Variants in MTCL2 observed in about 807,000 individuals in gnomAD.
MTCL2 encodes microtubule crosslinking factor 2.
chr20:36,838,925 C>T, the MTCL2 span, among the ~76,000 whole-genome samples: 7 of 151,514 alleles, frequency 4.6e-5, no homozygotes, highest in Admixed American at 2.0e-4. Flanking sequence ...GCTGAGATCG[C>T]GCCATTGCAT....
At chr20:36,862,310 G>A in the MTCL2 span, among the ~76,000 whole-genome samples, 16 of 152,200 alleles carry the variant, frequency 1.1e-4, 1 homozygote, top group Non-Finnish European at 1.5e-5. Flanking sequence ...GCCTGGGCGT[G>A]GAGGTTCTGG....
the MTCL2 span, among the ~76,000 whole-genome samples, chr20:36,836,590 C>G: frequency 9.2e-5 from 14 of 152,016 alleles, no homozygotes; most frequent in South Asian, 2.7e-3. Flanking sequence ...GTGATCCATC[C>G]GCCTCGGCCT....
At chr20:36,827,022 C>CTTTA in the MTCL2 span, among the ~76,000 whole-genome samples, 98,749 of 144,136 alleles carry the variant, frequency 0.69, 34,327 homozygotes, top group East Asian at 0.87. Flanking sequence ...TATCATCCTG[C>CTTTA]TTTATTTATT....
At chr20:36,819,310 T>C in the MTCL2 span, among the ~76,000 whole-genome samples, 1 of 152,226 alleles carries the variant, frequency 6.6e-6, no homozygotes, top group South Asian at 2.1e-4. Context: ...GGCTGGTATA[T>C]TTTTGAAAAT....
At chr20:36,859,060 G>C in the MTCL2 span, among the ~76,000 whole-genome samples, 4 of 152,168 alleles carry the variant, frequency 2.6e-5, no homozygotes, top group Non-Finnish European at 5.9e-5. Flanking sequence ...CAAAGTGCTG[G>C]GATTACAGGC....
At chr20:36,810,823 G>A in the MTCL2 span, among the ~76,000 whole-genome samples, 4 of 150,294 alleles carry the variant, frequency 2.7e-5, no homozygotes, top group South Asian at 4.2e-4. Context: ...AGGTTCAAGC[G>A]ATTATCCTGC....
At chr20:36,841,550 C>T in the MTCL2 span, among the ~76,000 whole-genome samples, 2 of 152,040 alleles carry the variant, frequency 1.3e-5, no homozygotes, top group East Asian at 1.9e-4. Flanking sequence ...CAGTGTGTGC[C>T]AAGGCTCAGA....
chr20:36,804,428 G>C, the MTCL2 span, among the ~76,000 whole-genome samples: 2 of 152,204 alleles, frequency 1.3e-5, no homozygotes, highest in Non-Finnish European at 2.9e-5. Flanking sequence ...GGCTGAGGGA[G>C]TGCTTATGAG....
At chr20:36,808,590 A>T in the MTCL2 span, 1 of 1,611,646 alleles carries the variant, frequency 6.2e-7, no homozygotes. Context: ...AGCTTCATGA[A>T]GAGCAGCAGG....
chr20:36,811,708 C>A, the MTCL2 span, among the ~76,000 whole-genome samples: 2 of 151,904 alleles, frequency 1.3e-5, no homozygotes, highest in Admixed American at 1.3e-4. Context: ...AGTTTTTTCT[C>A]TTTTTGCCAT....
the MTCL2 span, chr20:36,805,719 C>T: frequency 1.4e-6 from 1 of 730,998 alleles, no homozygotes. Flanking sequence ...TCTGTTACTG[C>T]CCTGGGATGA....
At chr20:36,823,763 G>A in the MTCL2 span, among the ~76,000 whole-genome samples, 1 of 152,104 alleles carries the variant, frequency 6.6e-6, no homozygotes, top group Non-Finnish European at 1.5e-5. Flanking sequence ...AACCATGATC[G>A]TGCCACTACA....
the MTCL2 span, among the ~76,000 whole-genome samples, chr20:36,849,604 G>A: frequency 2.6e-5 from 4 of 152,076 alleles, no homozygotes; most frequent in African/African-American, 9.7e-5. Context: ...CTGGCTGAAT[G>A]TTGTATTTTT....
At chr20:36,854,135 C>A in the MTCL2 span, among the ~76,000 whole-genome samples, 1 of 152,150 alleles carries the variant, frequency 6.6e-6, no homozygotes, top group Non-Finnish European at 1.5e-5. Flanking sequence ...TGCCTGGCAT[C>A]CTGGAGAGAA....
the MTCL2 span, among the ~76,000 whole-genome samples, chr20:36,823,523 T>C: frequency 6.6e-6 from 1 of 152,118 alleles, no homozygotes; most frequent in South Asian, 2.1e-4. Context: ...ATAAACAAAC[T>C]AGGCTGGGTA....
the MTCL2 span, among the ~76,000 whole-genome samples, chr20:36,834,977 AGAGT>A: frequency 6.6e-6 from 1 of 152,118 alleles, no homozygotes; most frequent in Non-Finnish European, 1.5e-5. Context: ...CCTGGGTGAC[AGAGT>A]GAGACCCTGC....
chr20:36,841,251 T>G, the MTCL2 span, among the ~76,000 whole-genome samples: 4 of 149,708 alleles, frequency 2.7e-5, no homozygotes, highest in Non-Finnish European at 5.9e-5. Flanking sequence ...GAGAATCACT[T>G]GAACCTAGGA....
At chr20:36,842,997 TG>T in the MTCL2 span, among the ~76,000 whole-genome samples, 4 of 152,092 alleles carry the variant, frequency 2.6e-5, no homozygotes, top group Admixed American at 2.6e-4. Context: ...AGGAAGGGAC[TG>T]GGAAGTGGGG....
chr20:36,797,702 C>A, the MTCL2 span: 4 of 792,030 alleles, frequency 5.1e-6, no homozygotes, highest in South Asian at 7.2e-5. Flanking sequence ...AAGGGGCCAC[C>A]TTCTCAGTGG....
Sources: allele counts gnomAD v4.1 joint callset (sites outside exome capture counted in the v4.1 genomes callset), GRCh38; gene constraint gnomAD v4.1.1; transcripts MANE v1.5; gene names NCBI Gene and HGNC (gene_info 2026-07-23, HGNC 2026-07-21).